SNX31: variants seen among roughly 807,000 people sequenced by gnomAD.
SNX31 encodes sorting nexin-31.
A neutral mutation model predicts 65.4 loss-of-function variants in SNX31; 58 were observed. The ratio of observed to expected loss-of-function variants is 0.89; its 90% CI spans 0.72 to 1.10. The LOEUF is 1.10. SNX31 is among the 50% of genes least tolerant of loss of function. The probability of loss-of-function intolerance (pLI) is 0.00; values close to 1 mark genes in which losing one functional copy is unlikely to be tolerated. For missense variants in SNX31, 523 were observed against 529.7 expected (o/e 0.99, Z 0.12); for synonymous variants, 181 against 190.1 (o/e 0.95, Z 0.39).
At chr8:100,605,767 T>A (rs1207575273) in intron 8 of SNX31, among the ~76,000 whole-genome samples, 1 of 152,170 alleles carries the variant, frequency 6.6e-6, no homozygotes, top group African/African-American at 2.4e-5. Context: ...GTTATAAATC[T>A]TTAATGAAAA....
rs571533767 is a variant in SNX31, at chr8:100,575,633, G to T, written c.1227+1386C>A. On this transcript the variant is annotated intron_variant, in intron 13 of 13. Coordinates refer to ENST00000311812, the MANE Select transcript of SNX31 (RefSeq NM_152628.4). The surrounding 1 kb of genome is among the most constrained non-coding windows in gnomAD (Gnocchi z 5.1). ...GTGGGCGTGTTAAAGAGATTGCTGC[G>T]GCCTTCCCCCAGAGCTGCTGATCCA... Among the ~76,000 whole-genome samples the T allele has an allele frequency of 6.6e-6, 1 of 152,092 alleles. No homozygotes were observed. The highest frequency in any genetic ancestry group is 1.5e-5 in the Non-Finnish European group (1 of 68,014).
chr8:100,628,146 T>A lies in SNX31; in HGVS notation c.321+2181A>T, dbSNP rs1027512383. Among the ~76,000 whole-genome samples the A allele has an allele frequency of 1.3e-4, 20 of 152,344 alleles. 1 individual carries two copies. Among genetic ancestry groups the A allele is most frequent in the African/African-American group, 4.6e-4 (19 of 41,592 alleles). On this transcript the variant is annotated intron_variant, in intron 4 of 13. Coordinates refer to ENST00000311812, the MANE Select transcript of SNX31 (RefSeq NM_152628.4). The stretch of plus-strand genomic sequence containing the variant: ...AACACTTTTACACTGTTGGTGGGAC[T>A]GTAAACTAGTTCAACCATTGTGGGA...
rs1816978858 is a variant in SNX31 at position 100,614,261 on chromosome 8, T to C, written c.433-1176A>G. 6.6e-6 allele frequency among the ~76,000 whole-genome samples: 1 copy of C among 152,174 alleles called. No homozygotes were observed. Among genetic ancestry groups the C allele is most frequent in the Admixed American group, 6.5e-5 (1 of 15,280 alleles). ...AAGTGTGTGGTAGGTAACAGCATAG[T>C]AAAGACATCTTTCCCAGAGTAAACC... On this transcript the variant is annotated intron_variant, in intron 5 of 13. Transcript: ENST00000311812. This position sits in a 1 kb window ranked among gnomAD's most constrained non-coding sequence, Gnocchi z 5.1.
intron 9 of SNX31, among the ~76,000 whole-genome samples, 169 bp downstream of exon 9, chr8:100,600,180 C>A (rs2130930640): frequency 6.6e-6 from 1 of 152,186 alleles, no homozygotes. Context: ...AAACAATAAG[C>A]TTTTATTAAT....
intron 5 of SNX31, among the ~76,000 whole-genome samples, chr8:100,617,403 C>T (rs1188747730): frequency 6.6e-6 from 1 of 152,128 alleles, no homozygotes; most frequent in Non-Finnish European, 1.5e-5. Context: ...ATTGGTGCCC[C>T]CAGGGAGGGT....
At chr8:100,641,589 T>TATACAC (rs1261040070) in intron 2 of SNX31, among the ~76,000 whole-genome samples, 2 of 22,264 alleles carry the variant, frequency 9.0e-5, no homozygotes, top group Non-Finnish European at 1.3e-4. Context: ...TATATATATA[T>TATACAC]ATATATACAC....
chr8:100,623,300 G>A (rs1481677669), intron 4 of SNX31, among the ~76,000 whole-genome samples: 1 of 152,092 alleles, frequency 6.6e-6, no homozygotes, highest in Non-Finnish European at 1.5e-5. Context: ...CAGCAACAAG[G>A]GGGAGGGCGC....
At chr8:100,597,911 C>T (rs11986903) in intron 9 of SNX31, among the ~76,000 whole-genome samples, 6 of 152,150 alleles carry the variant, frequency 3.9e-5, no homozygotes, top group Admixed American at 1.3e-4. Flanking sequence ...TCTGTTCTTC[C>T]AGCTTTCGCC....
chr8:100,661,429 C>T (rs1311242788), intron 1 of SNX31, among the ~76,000 whole-genome samples: 2 of 152,136 alleles, frequency 1.3e-5, no homozygotes, highest in East Asian at 3.8e-4. Context: ...CAAAAAAGTC[C>T]ATCAAAACCA....
rs371711809 is a variant in SNX31, at chr8:100,584,589, C to T, written c.1093-401G>A. ...ATGATGGTCAATCCTATATTTAATT[C>T]TAGACATTGTATACATAATTATTGA... On this transcript the variant is annotated intron_variant, in intron 11 of 13. Transcript: ENST00000311812. Among the ~76,000 whole-genome samples the T allele has an allele frequency of 6.5e-4, 99 of 151,736 alleles. 1 individual carries two copies. The Middle Eastern group carries it at 0.01, about 16-fold the overall frequency.
At chr8:100,661,450 G>C (rs1220381353) in intron 1 of SNX31, among the ~76,000 whole-genome samples, 1 of 152,154 alleles carries the variant, frequency 6.6e-6, no homozygotes, top group East Asian at 1.9e-4. Context: ...GGAATAACAA[G>C]ACTGGAACTG....
chr8:100,634,916 G>A (rs1035785925), intron 3 of SNX31, among the ~76,000 whole-genome samples: 1 of 146,408 alleles, frequency 6.8e-6, no homozygotes, highest in Non-Finnish European at 1.5e-5. Flanking sequence ...TTTTTTAATT[G>A]GCCAGGCATG....
chr8:100,585,918 C>T (rs954890578), intron 11 of SNX31, among the ~76,000 whole-genome samples: 1 of 152,002 alleles, frequency 6.6e-6, no homozygotes, highest in East Asian at 1.9e-4. Context: ...GCAAAAGGAT[C>T]GAGTTGTTGT....
chr8:100,599,089 T>C (rs571128346), intron 9 of SNX31, among the ~76,000 whole-genome samples: 2 of 152,344 alleles, frequency 1.3e-5, no homozygotes, highest in African/African-American at 4.8e-5. Context: ...TATCAGTACA[T>C]GTAGATGCTT....
chr8:100,612,333 T>G lies in SNX31; in HGVS notation c.524-246A>C, dbSNP rs965058964. Among the ~76,000 whole-genome samples the G allele has an allele frequency of 9.2e-5, 14 of 151,520 alleles. No homozygotes were observed. Among genetic ancestry groups the G allele is most frequent in the African/African-American group, 3.2e-4 (13 of 41,204 alleles). ...TTACACTGTGATATAGATGAAAAAA[T>G]AGATCCGGAGACATCCAGCGCCTTC... On this transcript the variant is annotated intron_variant, in intron 6 of 13. Transcript: ENST00000311812. The surrounding 1 kb of genome is among the most constrained non-coding windows in gnomAD (Gnocchi z 4.3).
rs555235133 is a variant in SNX31 at position 100,622,842 on chromosome 8, C to T, written c.322-5112G>A. 1.3e-5 allele frequency among the ~76,000 whole-genome samples: 2 copies of T among 152,220 alleles called. No individual in the cohort carries two copies. The highest frequency in any genetic ancestry group is 4.1e-4 in the South Asian group (2 of 4,820). ...GCCTCCAATGTTTTGTTTGATGTCGCAGTACTGGTTTTGGCTGAGGTAACC... is the reference window on the plus strand; with the variant it reads ...GCCTCCAATGTTTTGTTTGATGTCGTAGTACTGGTTTTGGCTGAGGTAACC... On this transcript the variant is annotated intron_variant, in intron 4 of 13. Transcript: ENST00000311812. This position sits in a 1 kb window ranked among gnomAD's most constrained non-coding sequence, Gnocchi z 5.0.
At chr8:100,623,352 C>T (rs943447353) in intron 4 of SNX31, among the ~76,000 whole-genome samples, 9 of 152,200 alleles carry the variant, frequency 5.9e-5, no homozygotes, top group African/African-American at 1.2e-4. Context: ...AATCACCTCC[C>T]GCCAGGCTCC....
Position 100,613,116 on chromosome 8 carries a change from A to T in SNX31, c.433-31T>A. On this transcript the variant is annotated intron_variant, in intron 5 of 13. Transcript: ENST00000311812. This position sits in a 1 kb window ranked among gnomAD's most constrained non-coding sequence, Gnocchi z 5.2. ...ACCAGAAACAAGCAGAAAGGGAAAA[A>T]GTTAGGTGTGCCCACCATGCATCCT... The T allele has an allele frequency of 1.3e-6, 2 of 1,577,754 alleles. No homozygotes were observed. Among genetic ancestry groups the T allele is most frequent in the South Asian group, 1.1e-5 (1 of 90,338 alleles).
In SNX31 at chr8:100,594,500, T is replaced by C. The variant is rs1434527272; in HGVS notation, c.978+2139A>G. Among the ~76,000 whole-genome samples the C allele has an allele frequency of 6.6e-6, 1 of 152,008 alleles. No homozygotes were observed. The highest frequency in any genetic ancestry group is 1.9e-4 in the East Asian group (1 of 5,188). On this transcript the variant is annotated intron_variant, in intron 10 of 13. Transcript: ENST00000311812. This position sits in a 1 kb window ranked among gnomAD's most constrained non-coding sequence, Gnocchi z 4.0. The stretch of plus-strand genomic sequence containing the variant: ...AATGGGTAAAAGATATGAGAAGACA[T>C]TTTACCAAAGAAGATATACAGATGG...
Sources: allele counts gnomAD v4.1 joint callset (sites outside exome capture counted in the v4.1 genomes callset), GRCh38; gene constraint gnomAD v4.1.1; non-coding constraint Gnocchi (gnomAD v3.1); transcripts MANE v1.5; gene names NCBI Gene and HGNC (gene_info 2026-07-23, HGNC 2026-07-21).